Variants in TRDN observed in about 807,000 individuals in gnomAD.
TRDN encodes triadin.
In TRDN, 161 loss-of-function variants were observed where a neutral mutation model predicts 149.7. The observed-to-expected ratio is 1.08, with a 90% CI of 0.95 to 1.23. The LOEUF (loss-of-function observed/expected upper bound fraction) is 1.23. Among genes scored for constraint, TRDN ranks in the 50% most tolerant of loss-of-function variants. The pLI, the probability that TRDN is intolerant of heterozygous loss-of-function variation, is 0.00. For missense variants in TRDN, 896 were observed against 823.5 expected (o/e 1.09, Z -1.08); for synonymous variants, 294 against 250.5 (o/e 1.17, Z -1.64).
At chr6:123,436,181 C>T (rs1473869004) in intron 12 of TRDN, among the ~76,000 whole-genome samples, 4 of 152,080 alleles carry the variant, frequency 2.6e-5, no homozygotes, top group African/African-American at 4.8e-5. Flanking sequence ...TATCTTTACC[C>T]CTCAATCATG....
Position 123,337,135 on chromosome 6 carries a change from G to A in TRDN, c.1420+484C>T, listed in dbSNP as rs80107105. Among the ~76,000 whole-genome samples the A allele has an allele frequency of 1.7e-3, 264 of 152,036 alleles. 1 individual carries two copies. The highest frequency in any genetic ancestry group is 6.1e-3 in the African/African-American group (252 of 41,522). On this transcript the variant is annotated intron_variant, in intron 22 of 40. Transcript: ENST00000334268. ...ACTAACGCAGGCAGAATATGCCTCA[G>A]AGCATTTGAAAATATCAGAATGCAG...
At chr6:123,483,926 T>A (rs963810196) in intron 9 of TRDN, among the ~76,000 whole-genome samples, 4 of 152,180 alleles carry the variant, frequency 2.6e-5, no homozygotes, top group Non-Finnish European at 4.4e-5. Flanking sequence ...AACAGTATTA[T>A]TATGTCTTAA....
chr6:123,223,158 G>T (rs887168197), intron 39 of TRDN, among the ~76,000 whole-genome samples: 12 of 151,592 alleles, frequency 7.9e-5, no homozygotes, highest in African/African-American at 2.9e-4. Flanking sequence ...ATAGCTGGAG[G>T]TCATTATCCT....
At chr6:123,604,046 C>A (rs1473195260) in intron 1 of TRDN, among the ~76,000 whole-genome samples, 2 of 152,188 alleles carry the variant, frequency 1.3e-5, no homozygotes, top group Non-Finnish European at 2.9e-5. Flanking sequence ...AAGATTGCTA[C>A]AACTAACTCA....
intron 2 of TRDN, among the ~76,000 whole-genome samples, chr6:123,553,842 A>C (rs1003860511): frequency 1.3e-5 from 2 of 152,186 alleles, no homozygotes; most frequent in African/African-American, 4.8e-5. Context: ...CCCTCCCACA[A>C]CATGTGGGAA....
intron 10 of TRDN, among the ~76,000 whole-genome samples, chr6:123,439,978 C>T (rs1433146168): frequency 1.3e-5 from 2 of 152,148 alleles, no homozygotes; most frequent in Non-Finnish European, 2.9e-5. Context: ...ATCTCAGGTA[C>T]AGGTACATTC....
Position 123,218,501 on chromosome 6 carries a change from A to T in TRDN, c.*100T>A. On this transcript the variant is annotated 3_prime_UTR_variant, in exon 41 of 41. Coordinates refer to ENST00000334268, the MANE Select transcript of TRDN (RefSeq NM_006073.4). ...GCCAAAGAGCAAAATGTTTTCACAG[A>T]AATTCTCTGGGTTGCATATTCTTAA... The T allele has an allele frequency of 7.1e-7, 1 of 1,404,246 alleles. No individual in the cohort carries two copies. The highest frequency in any genetic ancestry group is 1.5e-5 in the South Asian group (1 of 68,402). The allele number at this position is 1,404,246 out of a possible 1,614,324, so 87.0% of individuals were successfully genotyped here.
At chr6:123,461,396 T>G (rs1776440744) in intron 10 of TRDN, among the ~76,000 whole-genome samples, 2 of 152,200 alleles carry the variant, frequency 1.3e-5, no homozygotes, top group South Asian at 4.1e-4. Context: ...GTAATTCACC[T>G]TTCTCTATTC....
chr6:123,282,572 T>C (rs923761077), intron 24 of TRDN, among the ~76,000 whole-genome samples: 3 of 151,818 alleles, frequency 2.0e-5, no homozygotes, highest in African/African-American at 7.2e-5. Context: ...CAAAAACCAA[T>C]CTAGAGTGCG....
At chr6:123,514,631 AACAC>A (rs60716520) in intron 6 of TRDN, among the ~76,000 whole-genome samples, 2,980 of 147,558 alleles carry the variant, frequency 0.02, 37 homozygotes, top group African/African-American at 0.042. Context: ...ACATACCCAA[AACAC>A]ACACACACAC....
At chr6:123,418,962 G>A (rs950410411) in intron 12 of TRDN, among the ~76,000 whole-genome samples, 1 of 151,864 alleles carries the variant, frequency 6.6e-6, no homozygotes, top group African/African-American at 2.4e-5. Flanking sequence ...AATCATAATC[G>A]CTGATGGGAA....
chr6:123,322,609 A>T (rs9490729), intron 23 of TRDN, among the ~76,000 whole-genome samples: 22,087 of 135,790 alleles, frequency 0.16, 1,788 homozygotes, highest in South Asian at 0.24. Context: ...CTCTTTTTTT[A>T]AAATTTATTA....
chr6:123,463,201 G>C (rs1356799522), intron 10 of TRDN: 2 of 151,868 alleles, frequency 1.3e-5, no homozygotes, highest in Middle Eastern at 3.2e-3. Context: ...GCCAGGCATG[G>C]TGGCGGGCGC....
chr6:123,226,474 T>C lies in TRDN; in HGVS notation c.1976-2343A>G, dbSNP rs572514110. Among the ~76,000 whole-genome samples, 39 of 151,820 alleles carry C rather than the reference T, an allele frequency of 2.6e-4. 1 individual carries two copies. The South Asian group carries it at 7.7e-3, about 30-fold the overall frequency. ...GATCCATTTATTACCACTAGAAAAA[T>C]AAATACAAATGGAAGGAATAAAGAC... On this transcript the variant is annotated intron_variant, in intron 38 of 40. Coordinates refer to ENST00000334268, the MANE Select transcript of TRDN (RefSeq NM_006073.4).
intron 12 of TRDN, among the ~76,000 whole-genome samples, chr6:123,429,481 C>A (rs1186963487): frequency 1.3e-5 from 2 of 152,136 alleles, no homozygotes; most frequent in African/African-American, 4.8e-5. Flanking sequence ...GCTTTACTTG[C>A]ACTGAAAGGA....
intron 39 of TRDN, among the ~76,000 whole-genome samples, chr6:123,221,814 G>C (rs1394532842): frequency 6.6e-6 from 1 of 151,706 alleles, no homozygotes; most frequent in Non-Finnish European, 1.5e-5. Flanking sequence ...AATGAGGATA[G>C]TTGACATGCA....
intron 23 of TRDN, among the ~76,000 whole-genome samples, chr6:123,327,166 A>G (rs193133837): frequency 1.3e-5 from 2 of 152,056 alleles, no homozygotes; most frequent in Admixed American, 6.6e-5. Flanking sequence ...TACATCTGTC[A>G]TCTAATGTAT....
chr6:123,305,719 C>T (rs1314318198), intron 24 of TRDN, among the ~76,000 whole-genome samples: 1 of 152,156 alleles, frequency 6.6e-6, no homozygotes, highest in African/African-American at 2.4e-5. Flanking sequence ...CTGCCTTTTT[C>T]ATTGACTGGA....
chr6:123,241,718 A>G (rs982457605), intron 38 of TRDN, among the ~76,000 whole-genome samples: 2 of 152,100 alleles, frequency 1.3e-5, no homozygotes, highest in African/African-American at 4.8e-5. Context: ...AGAAAAGACT[A>G]AATTTATTAT....
Sources: gnomAD v4.1 joint callset for allele counts (sites outside exome capture counted in the v4.1 genomes callset) on GRCh38, gnomAD v4.1.1 for gene constraint, MANE v1.5 for transcripts, NCBI Gene and HGNC (gene_info 2026-07-23, HGNC 2026-07-21) for gene names.